COL4A5: variants seen among roughly 807,000 people sequenced by gnomAD.
COL4A5 encodes collagen alpha-5(IV) chain.
Under a neutral mutation model 130.2 loss-of-function variants are expected in COL4A5, and 26 were observed. The ratio of observed to expected loss-of-function variants is 0.20; its 90% CI spans 0.15 to 0.28. The LOEUF is 0.28. Among genes scored for constraint, COL4A5 ranks in the 10% least tolerant of loss-of-function variants. COL4A5 has a pLI of 1.00. For synonymous variants in COL4A5, 496 were observed against 439.6 expected (o/e 1.13, Z -1.60); for missense variants, 1,131 against 1,344.3 (o/e 0.84, Z 2.48).
intron 29 of COL4A5, among the ~76,000 whole-genome samples, chrX:108,609,707 T>C (rs909514674): frequency 3.0e-4 from 34 of 112,030 alleles, no homozygotes; most frequent in Non-Finnish European, 4.9e-4. Context: ...CTTTATAGTT[T>C]TAGTTTCTAT....
At chrX:108,627,080 A>T in intron 36 of COL4A5, 1 of 656,552 alleles carries the variant, frequency 1.5e-6, no homozygotes. Context: ...ATTATATAAA[A>T]ATACTTTATT....
chrX:108,552,511 A>AT (rs2147704622), intron 2 of COL4A5, among the ~76,000 whole-genome samples: 1 of 112,247 alleles, frequency 8.9e-6, no homozygotes, highest in East Asian at 2.8e-4. Context: ...AAAGTAGTAA[A>AT]TTGGAATTAT....
At chrX:108,656,144 C>T (rs191929815) in intron 37 of COL4A5, among the ~76,000 whole-genome samples, 3 of 111,259 alleles carry the variant, frequency 2.7e-5, no homozygotes, top group South Asian at 7.6e-4. Flanking sequence ...TTTCTTCATC[C>T]CACGAAGTTT....
chrX:108,638,501 C>T (rs912949281), intron 36 of COL4A5, among the ~76,000 whole-genome samples: 61 of 111,652 alleles, frequency 5.5e-4, no homozygotes, highest in African/African-American at 2.0e-3. Flanking sequence ...TCCTCTAAGA[C>T]CAAGAAGAAG....
At chrX:108,655,495 C>G (rs756784764) in intron 37 of COL4A5, 38 bp downstream of exon 37, 3 of 1,200,772 alleles carry the variant, frequency 2.5e-6, no homozygotes, top group Non-Finnish European at 3.4e-6. Context: ...TTCTTTCCTT[C>G]CTTATCTACT....
chrX:108,589,024 C>T (rs182604607), intron 19 of COL4A5, among the ~76,000 whole-genome samples: 3 of 111,237 alleles, frequency 2.7e-5, no homozygotes, highest in Non-Finnish European at 5.7e-5. Flanking sequence ...GATGCAAGAA[C>T]CAAAGCTTAG....
chrX:108,574,985 C>T (rs1237453405), intron 9 of COL4A5, among the ~76,000 whole-genome samples: 2 of 110,986 alleles, frequency 1.8e-5, no homozygotes, highest in Non-Finnish European at 3.8e-5. Context: ...GACAAGTTCT[C>T]ACCATGTTGC....
intron 20 of COL4A5, 67 bp from the exon 21 acceptor site, chrX:108,591,494 G>A (rs1030867998): frequency 2.1e-6 from 2 of 933,907 alleles, no homozygotes; most frequent in Non-Finnish European, 3.1e-6. Flanking sequence ...GGCTTGTCAG[G>A]CTTTCTTTTG....
chrX:108,579,811 C>T (rs2066212000), intron 13 of COL4A5, among the ~76,000 whole-genome samples: 1 of 111,512 alleles, frequency 9.0e-6, no homozygotes, highest in Non-Finnish European at 1.9e-5. Context: ...CGTGTGACCC[C>T]AAAATCTCTT....
intron 1 of COL4A5, among the ~76,000 whole-genome samples, chrX:108,465,075 C>T (rs1490773385): frequency 3.6e-5 from 4 of 111,816 alleles, no homozygotes; most frequent in African/African-American, 1.3e-4. Context: ...TATCCCTGTA[C>T]CCTGAAAGCC....
chrX:108,684,575 G>A (rs1461488415), intron 47 of COL4A5, among the ~76,000 whole-genome samples: 1 of 112,246 alleles, frequency 8.9e-6, no homozygotes, highest in Non-Finnish European at 1.9e-5. Flanking sequence ...TCCTTGAATA[G>A]GCCAATAAAA....
intron 36 of COL4A5, among the ~76,000 whole-genome samples, chrX:108,653,417 A>C (rs1394000049): frequency 9.0e-6 from 1 of 110,802 alleles, no homozygotes; most frequent in Non-Finnish European, 1.9e-5. Context: ...TAAGTGACTC[A>C]TAGACAGGTA....
chrX:108,482,437 A>C (rs2147528796), intron 1 of COL4A5, among the ~76,000 whole-genome samples: 1 of 111,323 alleles, frequency 9.0e-6, no homozygotes, highest in East Asian at 2.8e-4. Context: ...CCTTAGACAA[A>C]GGTGGAAAGG....
chrX:108,599,762 CACT>C (rs1407181913), intron 25 of COL4A5, among the ~76,000 whole-genome samples: 1 of 112,062 alleles, frequency 8.9e-6, no homozygotes, highest in Non-Finnish European at 1.9e-5. Context: ...GTTGTTTTTG[CACT>C]ACAACTGAAG....
At chrX:108,452,747 G>A (rs36152358) in intron 1 of COL4A5, among the ~76,000 whole-genome samples, 14 of 111,787 alleles carry the variant, frequency 1.3e-4, no homozygotes, top group African/African-American at 2.6e-4. Context: ...GGGTTTTCTA[G>A]ATATACAATC....
At chrX:108,470,098 A>G (rs899693221) in intron 1 of COL4A5, among the ~76,000 whole-genome samples, 1 of 112,186 alleles carries the variant, frequency 8.9e-6, no homozygotes, top group African/African-American at 3.2e-5. Flanking sequence ...GTGAACAAAG[A>G]CATATATGAA....
chrX:108,689,315 C>G, intron 49 of COL4A5: 1 of 748,131 alleles, frequency 1.3e-6, no homozygotes, highest in Non-Finnish European at 1.6e-6. Flanking sequence ...TCTACACTGT[C>G]AGACTTATAA....
chrX:108,645,905 T>C (rs2067574030), intron 36 of COL4A5, among the ~76,000 whole-genome samples: 1 of 110,964 alleles, frequency 9.0e-6, no homozygotes. Context: ...ACAAAGGACA[T>C]GAACTCATCA....
intron 50 of COL4A5, 58 bp downstream of exon 50, chrX:108,692,983 T>C: frequency 8.7e-7 from 1 of 1,151,250 alleles, no homozygotes; most frequent in Non-Finnish European, 1.2e-6. Context: ...GCTAGTCAGA[T>C]TTGAGTCCAA....
Sources: gnomAD v4.1 joint callset for allele counts (sites outside exome capture counted in the v4.1 genomes callset) on GRCh38, gnomAD v4.1.1 for gene constraint, MANE v1.5 for transcripts, NCBI Gene and HGNC (gene_info 2026-07-23, HGNC 2026-07-21) for gene names.